Variants in MFAP1 observed in about 807,000 individuals in gnomAD.
The protein encoded by MFAP1 is microfibril associated protein 1.
A neutral mutation model predicts 62.2 loss-of-function variants in MFAP1; 18 were observed. The observed-to-expected ratio is 0.29, with a 90% CI of 0.20 to 0.43. MFAP1 has a LOEUF of 0.43. Among genes scored for constraint, MFAP1 ranks in the 20% least tolerant of loss-of-function variants. The pLI, the probability that MFAP1 is intolerant of heterozygous loss-of-function variation, is 1.00. For synonymous variants in MFAP1, 175 were observed against 180.4 expected (o/e 0.97, Z 0.24); for missense variants, 355 against 559.7 (o/e 0.63, Z 3.69).
chr15:43,813,534 C>T (rs908792418), intron 4 of MFAP1, among the ~76,000 whole-genome samples, 177 bp from the exon 5 acceptor site: 4 of 117,824 alleles, frequency 3.4e-5, no homozygotes, highest in East Asian at 5.5e-4. Context: ...TTTTTTGAGA[C>T]GGAGTCTCAC....
intron 1 of MFAP1, 40 bp from the exon 2 acceptor site, chr15:43,817,488 C>G: frequency 1.9e-6 from 3 of 1,604,442 alleles, no homozygotes; most frequent in Non-Finnish European, 2.6e-6. Flanking sequence ...TAGCCTCTTT[C>G]TCAATGTGCT....
At chr15:43,821,721 C>T (rs1338080908) in intron 1 of MFAP1, among the ~76,000 whole-genome samples, 3 of 152,124 alleles carry the variant, frequency 2.0e-5, no homozygotes, top group Non-Finnish European at 2.9e-5. Flanking sequence ...TAAATATTTA[C>T]ATTCCCTACT....
intron 7 of MFAP1, among the ~76,000 whole-genome samples, chr15:43,809,361 T>C (rs1252118277): frequency 6.9e-6 from 1 of 143,948 alleles, no homozygotes; most frequent in Admixed American, 7.0e-5. Flanking sequence ...AAGCCAGGCA[T>C]GGTTGTTGCA....
intron 1 of MFAP1, among the ~76,000 whole-genome samples, chr15:43,818,492 T>A (rs1399843522): frequency 1.2e-5 from 1 of 83,868 alleles, no homozygotes; most frequent in Non-Finnish European, 2.3e-5. Flanking sequence ...ATCCCAGCAA[T>A]ATAAAAACTA....
intron 7 of MFAP1, among the ~76,000 whole-genome samples, chr15:43,806,275 ATTGG>A (rs2087364908): frequency 6.6e-6 from 1 of 152,122 alleles, no homozygotes; most frequent in South Asian, 2.1e-4. Context: ...TGGATATTTT[ATTGG>A]GACTTGAAAT....
intron 6 of MFAP1, among the ~76,000 whole-genome samples, chr15:43,812,151 C>T (rs2087405313): frequency 6.6e-6 from 1 of 150,698 alleles, no homozygotes; most frequent in Non-Finnish European, 1.5e-5. Context: ...GATTGTGACA[C>T]TTCACTGCAG....
Position 43,817,224 on chromosome 15 carries a change from AT to A in MFAP1, c.299+4del. 1.2e-6 allele frequency: 2 copies of A among 1,612,600 alleles called. No homozygotes were observed. The highest frequency in any genetic ancestry group is 1.7e-6 in the Non-Finnish European group (2 of 1,179,728). On this transcript the variant is annotated splice_donor_region_variant and intron_variant, in intron 2 of 8. Coordinates refer to ENST00000267812, the MANE Select transcript of MFAP1 (RefSeq NM_005926.3). ...TGTTCAAGTAAACACAATCACAGAC[AT>A]TACCTCTCTTCCACATCTTCACTAA...
intron 7 of MFAP1, among the ~76,000 whole-genome samples, chr15:43,808,391 G>T (rs1370759167): frequency 6.6e-6 from 1 of 152,060 alleles, no homozygotes; most frequent in Non-Finnish European, 1.5e-5. Context: ...TGTAGAGATG[G>T]GGTTTTGCCA....
intron 7 of MFAP1, among the ~76,000 whole-genome samples, chr15:43,808,908 T>A (rs1349641927): frequency 6.6e-6 from 1 of 152,254 alleles, no homozygotes; most frequent in Non-Finnish European, 1.5e-5. Flanking sequence ...TATTTTGATC[T>A]TAGTCTTTAT....
At position 43,821,302 on chromosome 15, in the gene MFAP1, G is replaced by A. The variant is rs140933473; in HGVS notation, c.79+3189C>T. On this transcript the variant is annotated intron_variant, in intron 1 of 8. Coordinates refer to ENST00000267812, the MANE Select transcript of MFAP1 (RefSeq NM_005926.3). ...GTTCAAGGATGAGAAGATGGCAACT[G>A]CACCTGAATTAACCTATAAATGTAT... Among the ~76,000 whole-genome samples the A allele has an allele frequency of 4.1e-4, 62 of 152,240 alleles. No individual in the cohort carries two copies. In the East Asian group the frequency reaches 0.01, roughly 25 times the overall value.
At chr15:43,812,796 A>G (rs2087409942) in intron 6 of MFAP1, among the ~76,000 whole-genome samples, 191 bp downstream of exon 6, 1 of 152,200 alleles carries the variant, frequency 6.6e-6, no homozygotes, top group Admixed American at 6.5e-5. Context: ...CACATCGACA[A>G]AGTGTTTTTC....
At chr15:43,815,104 C>T (rs1203624186) in intron 2 of MFAP1, 30 bp from the exon 3 acceptor site, 1 of 1,612,738 alleles carries the variant, frequency 6.2e-7, no homozygotes, top group East Asian at 2.2e-5. Context: ...AATGTAACAC[C>T]AATGTCATAA....
chr15:43,823,811 A>T (rs894171935), intron 1 of MFAP1, among the ~76,000 whole-genome samples: 1 of 152,208 alleles, frequency 6.6e-6, no homozygotes, highest in Non-Finnish European at 1.5e-5. Flanking sequence ...ATCCAAAGAT[A>T]ATTCTCAAAA....
In MFAP1 at chr15:43,813,145, A is replaced by C. The variant is rs779347296; in HGVS notation, c.729T>G (p.Ile243Met). ...GCTCTTTTTTGGTTTCCTCTTCGAC[A>C]ATCTGGATAGGGAGAACAATTCAGC... is the stretch of plus-strand genomic sequence containing the variant. ...AEERRKYTLK[I>M]VEEETKKELE... is the part of the protein sequence containing the mutation. The change falls in exon 6 of 9, where the codon ATT becomes ATG. Residue 243 changes from isoleucine (I) to methionine (M), a missense_variant and splice_region_variant. Physicochemically the swap from Ile to Met is conservative, Grantham distance 10. This residue lies in a region of MFAP1 where 257 missense variants were observed against 341.3 expected (regional missense o/e 0.75). Transcript: ENST00000267812. 1 of 1,614,034 alleles carries C rather than the reference A, an allele frequency of 6.2e-7. No individual in the cohort carries two copies. Among genetic ancestry groups the C allele is most frequent in the Admixed American group, 1.7e-5 (1 of 59,976 alleles).
chr15:43,812,329 C>T (rs138119716), intron 6 of MFAP1, among the ~76,000 whole-genome samples: 43 of 152,212 alleles, frequency 2.8e-4, no homozygotes, highest in Middle Eastern at 3.4e-3. Context: ...GTCTGTTTCT[C>T]CACCTGCTTA....
intron 1 of MFAP1, among the ~76,000 whole-genome samples, chr15:43,823,509 T>C (rs1322005734): frequency 6.6e-6 from 1 of 151,964 alleles, no homozygotes; most frequent in African/African-American, 2.4e-5. Context: ...CCCAAGTAGC[T>C]GGGATTACAG....
At chr15:43,807,530 A>G (rs943801158) in intron 7 of MFAP1, among the ~76,000 whole-genome samples, 3 of 151,256 alleles carry the variant, frequency 2.0e-5, no homozygotes, top group Admixed American at 1.3e-4. Context: ...TTGTATTTTT[A>G]GTAGAGATGG....
At chr15:43,823,753 A>G (rs540833592) in intron 1 of MFAP1, among the ~76,000 whole-genome samples, 1 of 152,292 alleles carries the variant, frequency 6.6e-6, no homozygotes, top group South Asian at 2.1e-4. Flanking sequence ...TTTATTTTAT[A>G]CAATGGAATT....
chr15:43,807,657 A>G (rs2087374439), intron 7 of MFAP1, among the ~76,000 whole-genome samples: 1 of 152,010 alleles, frequency 6.6e-6, no homozygotes, highest in Non-Finnish European at 1.5e-5. Flanking sequence ...CCAAAATTAT[A>G]CATCTTAAAT....
Sources: allele counts gnomAD v4.1 joint callset (sites outside exome capture counted in the v4.1 genomes callset), GRCh38; gene constraint gnomAD v4.1.1; regional missense constraint gnomAD v4.1.1; transcripts MANE v1.5; gene names NCBI Gene and HGNC (gene_info 2026-07-23, HGNC 2026-07-21).